EML6: variants seen among roughly 807,000 people sequenced by gnomAD.
EML6 encodes the protein EMAP like 6.
EML6 carries 154 observed loss-of-function variants against 240.1 expected under a neutral mutation model. The ratio of observed to expected loss-of-function variants is 0.64; its 90% CI spans 0.56 to 0.73. EML6 has a LOEUF of 0.73. Ranked by LOEUF, EML6 falls within the 30% of genes least tolerant of loss-of-function variation. The pLI is 0.00. For missense variants in EML6, 2,964 were observed against 2,474.6 expected, an observed-to-expected ratio of 1.20 and a Z score of -4.20; for synonymous variants, 1,148 against 899.0, an observed-to-expected ratio of 1.28 and a Z score of -4.95.
intron 22 of EML6, among the ~76,000 whole-genome samples, chr2:54,902,221 T>C (rs968389286): frequency 6.6e-6 from 1 of 152,228 alleles, no homozygotes; most frequent in African/African-American, 2.4e-5. Flanking sequence ...ATTACCTCTT[T>C]TCTTCGAAGC....
intron 2 of EML6, among the ~76,000 whole-genome samples, chr2:54,773,949 C>T (rs1668497690): frequency 6.6e-6 from 1 of 152,196 alleles, no homozygotes. Flanking sequence ...CACAGGGCCT[C>T]CTTTTTTCTT....
At chr2:54,910,810 C>T in intron 24 of EML6, 144 bp from the exon 25 acceptor site, 1 of 537,094 alleles carries the variant, frequency 1.9e-6, no homozygotes. Context: ...GCTGTACATG[C>T]CCTTCTGAAT....
rs763729228 is a variant in EML6 at position 54,899,670 on chromosome 2, G to C, written c.3012G>C (p.Leu1004Phe). ...ACATGGAAGGAGAAGTGTGGGGGTT[G>C]GCAGCTCACCCTCTCCTGCCCATCT... ...QGHMEGEVWG[L>F]AAHPLLPICA... The change falls in exon 22 of 42, where the codon TTG becomes TTC. Residue 1004 changes from leucine (L) to phenylalanine (F), a missense_variant. By Grantham distance (22) the Leu-to-Phe change is conservative. Transcript: ENST00000356458. 8 of 1,553,868 alleles carry C rather than the reference G, an allele frequency of 5.1e-6. No individual in the cohort carries two copies. Among genetic ancestry groups the C allele is most frequent in the Non-Finnish European group, 6.1e-6 (7 of 1,148,192 alleles).
intron 17 of EML6, chr2:54,882,740 C>A (rs1328373819): frequency 6.6e-6 from 1 of 151,250 alleles, no homozygotes; most frequent in Non-Finnish European, 1.5e-5. Flanking sequence ...CGCCTGTAGT[C>A]CCAGCTACTT....
intron 35 of EML6, 28 bp downstream of exon 35, chr2:54,960,362 T>C: frequency 6.6e-7 from 1 of 1,511,304 alleles, no homozygotes. Context: ...CCCTGGGGGC[T>C]GGGCCAGGGA....
At chr2:54,787,863 T>C (rs1035896336) in intron 2 of EML6, among the ~76,000 whole-genome samples, 3 of 152,098 alleles carry the variant, frequency 2.0e-5, no homozygotes, top group African/African-American at 7.3e-5. Flanking sequence ...CATCAATTTT[T>C]AGGCCAGACC....
chr2:54,892,476 A>C lies in EML6; in HGVS notation c.2562A>C (p.Arg854Ser). Residue 854 changes from arginine (R) to serine (S), a missense_variant, in exon 19 of 42, where the codon AGA (arginine) becomes AGC (serine). Transcript: ENST00000356458. ...QQAGGGFTSKRGTFGSVGKLE... is the reference protein window; with the variant it reads ...QQAGGGFTSKSGTFGSVGKLE... ...TAGGTGGGGGCTTCACTTCTAAAAGAGGAACTTTTGGAAGCGTTGGAAAAT... is the reference window on the plus strand; with the variant it reads ...TAGGTGGGGGCTTCACTTCTAAAAGCGGAACTTTTGGAAGCGTTGGAAAAT... 1 of 1,551,236 alleles carries C rather than the reference A, an allele frequency of 6.4e-7. No homozygotes were observed. The highest frequency in any genetic ancestry group is 1.4e-5 in the African/African-American group (1 of 73,148).
chr2:54,917,425 C>T (rs1294435239), intron 26 of EML6, among the ~76,000 whole-genome samples: 4 of 146,692 alleles, frequency 2.7e-5, no homozygotes, highest in East Asian at 2.0e-4. Context: ...AGTGCAGTGG[C>T]GCCATCTCGG....
chr2:54,880,133 A>G (rs1181988679), intron 17 of EML6: 1 of 153,850 alleles, frequency 6.5e-6, no homozygotes, highest in Non-Finnish European at 1.4e-5. Context: ...TCTTATAAAT[A>G]GATTTTTTGA....
intron 36 of EML6, 58 bp from the exon 37 acceptor site, chr2:54,963,928 C>T: frequency 6.7e-7 from 1 of 1,485,280 alleles, no homozygotes; most frequent in Non-Finnish European, 9.0e-7. Context: ...CAGAATGTCT[C>T]CTGGAGACCA....
intron 17 of EML6, chr2:54,882,871 A>AAAAAAAAAAAAAAAAAAAAAAAAAAAG (rs962733331): frequency 1.3e-4 from 17 of 128,828 alleles, no homozygotes; most frequent in Non-Finnish European, 2.0e-4. Context: ...AAAAAAAAAA[A>AAAAAAAAAAAAAAAAAAAAAAAAAAAG]AAAGAAAGCT....
chr2:54,964,482 C>T, intron 37 of EML6, 89 bp from the exon 38 acceptor site: 1 of 1,287,938 alleles, frequency 7.8e-7, no homozygotes, highest in East Asian at 2.5e-5. Flanking sequence ...GCCTTTAGGC[C>T]TGGAAGGCCT....
At position 54,853,671 on chromosome 2, in the gene EML6, A is replaced by G; in HGVS notation, c.1473A>G (p.Glu491=). Residue 491 remains glutamate, a synonymous_variant, in exon 11 of 42, where the codon GAA becomes GAG. Transcript: ENST00000356458. ...GGAAGCCTTTAACAAGTAAAGAAGA[A>G]ATTAAAGGGATTCCTTGGGCCTCCT... ...PSGKPLTSKE[E]IKGIPWASWT... 6.5e-7 allele frequency: 1 copy of G among 1,548,588 alleles called. No homozygotes were observed. The highest frequency in any genetic ancestry group is 8.7e-7 in the Non-Finnish European group (1 of 1,145,230).
chr2:54,836,490 A>AT, intron 7 of EML6, among the ~76,000 whole-genome samples: 1 of 152,326 alleles, frequency 6.6e-6, no homozygotes, highest in Admixed American at 6.5e-5. Flanking sequence ...CTTTGTGAAC[A>AT]GGAGCAGCAG....
At chr2:54,886,692 T>G (rs934983579) in intron 17 of EML6, among the ~76,000 whole-genome samples, 2 of 152,226 alleles carry the variant, frequency 1.3e-5, no homozygotes, top group African/African-American at 4.8e-5. Flanking sequence ...TAGCTAATGA[T>G]GTTGAGCATG....
chr2:54,739,549 T>A (rs1006915781), intron 2 of EML6, among the ~76,000 whole-genome samples: 1 of 152,244 alleles, frequency 6.6e-6, no homozygotes, highest in African/African-American at 2.4e-5. Flanking sequence ...GTGCCTCCTG[T>A]GTGTCATACC....
intron 30 of EML6, among the ~76,000 whole-genome samples, chr2:54,951,624 C>T (rs1675982663): frequency 6.6e-6 from 1 of 151,424 alleles, no homozygotes; most frequent in Non-Finnish European, 1.5e-5. Flanking sequence ...AAGAACCATT[C>T]AGAAATTAAC....
In EML6 at chr2:54,829,458, G is replaced by C. The variant is rs1049615011; in HGVS notation, c.828G>C (p.Glu276Asp). The change falls in exon 7 of 42, where the codon GAG (glutamate) becomes GAC (aspartate). Residue 276 changes from glutamate (E) to aspartate (D), a missense_variant. Coordinates refer to ENST00000356458, the MANE Select transcript of EML6 (RefSeq NM_001039753.4). The part of the protein sequence containing the change: ...FKPITKIDLR[E>D]TEQGYKGLSI... ...CAATAACCAAAATTGATCTCAGGGA[G>C]ACAGAACAAGGATACAAAGGTAATA... The C allele has an allele frequency of 6.4e-7, 1 of 1,551,690 alleles. No individual in the cohort carries two copies. The highest frequency in any genetic ancestry group is 2.4e-5 in the East Asian group (1 of 40,908).
At chr2:54,841,031 C>T (rs60310888) in intron 7 of EML6, among the ~76,000 whole-genome samples, 6,509 of 152,190 alleles carry the variant, frequency 0.043, 482 homozygotes, top group African/African-American at 0.15. Flanking sequence ...AGGGAGAAAA[C>T]GGGAATATGT....
Sources: gnomAD v4.1 joint callset for allele counts (sites outside exome capture counted in the v4.1 genomes callset) on GRCh38, gnomAD v4.1.1 for gene constraint, MANE v1.5 for transcripts, NCBI Gene and HGNC (gene_info 2026-07-23, HGNC 2026-07-21) for gene names.